GRXCR1: variants seen among roughly 807,000 people sequenced by gnomAD.
The protein encoded by GRXCR1 is glutaredoxin and cysteine rich domain containing 1, also known as glutaredoxin domain-containing cysteine-rich protein 1.
A neutral mutation model predicts 27.3 loss-of-function variants in GRXCR1; 27 were observed. The ratio of observed to expected loss-of-function variants is 0.99; its 90% CI spans 0.73 to 1.37. The LOEUF (loss-of-function observed/expected upper bound fraction) is 1.37, where lower values mean the gene tolerates loss of function less well. Ranked by LOEUF, GRXCR1 falls within the 40% of genes most tolerant of loss-of-function variation. The probability of loss-of-function intolerance (pLI) is 0.00; values close to 1 mark genes in which losing one functional copy is unlikely to be tolerated. For missense variants in GRXCR1, 379 were observed against 354.4 expected (o/e 1.07, Z -0.56); for synonymous variants, 122 against 131.1 (o/e 0.93, Z 0.47).
At chr4:42,949,868 T>C (rs1747840338) in intron 1 of GRXCR1, among the ~76,000 whole-genome samples, 1 of 152,172 alleles carries the variant, frequency 6.6e-6, no homozygotes, top group South Asian at 2.1e-4. Context: ...TTCACTGGCT[T>C]TCTTGCCCTC....
rs1167747524 is a variant in GRXCR1, at chr4:43,016,373, T to C, written c.628-3981T>C. ...GCCCTCCCTCATTCTCTCTGTGTGC[T>C]TGGTCAACTGCTATTCTTGCTAAAG... On this transcript the variant is annotated intron_variant, in intron 2 of 3. Coordinates refer to ENST00000399770, the MANE Select transcript of GRXCR1 (RefSeq NM_001080476.3). 2.0e-5 allele frequency among the ~76,000 whole-genome samples: 3 copies of C among 152,190 alleles called. No individual in the cohort carries two copies. In the East Asian group the frequency reaches 5.8e-4, roughly 29 times the overall value.
chr4:42,974,760 C>T (rs1748471907), intron 2 of GRXCR1, among the ~76,000 whole-genome samples: 1 of 152,028 alleles, frequency 6.6e-6, no homozygotes, highest in African/African-American at 2.4e-5. Flanking sequence ...CTCATGAATG[C>T]CTGGTTGGGG....
At chr4:43,020,744 C>A (rs1201069204) in intron 3 of GRXCR1, among the ~76,000 whole-genome samples, 1 of 152,128 alleles carries the variant, frequency 6.6e-6, no homozygotes, top group Non-Finnish European at 1.5e-5. Flanking sequence ...TTCATTGAAA[C>A]AACTTTATTT....
intron 2 of GRXCR1, among the ~76,000 whole-genome samples, chr4:42,997,201 T>C (rs920977914): frequency 2.6e-5 from 4 of 152,238 alleles, no homozygotes; most frequent in Non-Finnish European, 5.9e-5. Flanking sequence ...TGTCTTAAAA[T>C]AGATTACTGA....
rs1335731706 is a variant in GRXCR1 at position 43,014,074 on chromosome 4, C to CAA, written c.628-6279_628-6278dup. Among the ~76,000 whole-genome samples the CAA allele has an allele frequency of 2.4e-3, 354 of 145,562 alleles. 2 individuals are homozygous for CAA. The highest frequency in any genetic ancestry group is 8.6e-3 in the African/African-American group (336 of 39,040). On this transcript the variant is annotated intron_variant, in intron 2 of 3. Coordinates refer to ENST00000399770, the MANE Select transcript of GRXCR1 (RefSeq NM_001080476.3). ...AATTGCAAAAAAAAAAAAAAAAAGT[C>CAA]AACTAGTTTAGCTAATTTTGCAGTT... is the stretch of plus-strand genomic sequence containing the variant.
At chr4:42,971,956 T>G in intron 2 of GRXCR1, among the ~76,000 whole-genome samples, 1 of 152,118 alleles carries the variant, frequency 6.6e-6, no homozygotes, top group East Asian at 1.9e-4. Context: ...TGGAGGGCAC[T>G]TACACAATCT....
intron 2 of GRXCR1, among the ~76,000 whole-genome samples, chr4:43,010,311 G>C (rs1712705710): frequency 6.6e-6 from 1 of 151,738 alleles, no homozygotes; most frequent in Non-Finnish European, 1.5e-5. Context: ...GCTGAGGCAG[G>C]AGAATTGCTT....
chr4:42,920,820 T>C (rs1746991709), intron 1 of GRXCR1, among the ~76,000 whole-genome samples: 1 of 152,176 alleles, frequency 6.6e-6, no homozygotes, highest in African/African-American at 2.4e-5. Flanking sequence ...ATCCTTATGA[T>C]AGTGCCCTTA....
intron 1 of GRXCR1, among the ~76,000 whole-genome samples, chr4:42,941,900 C>CT (rs1424172892): frequency 1.3e-5 from 2 of 152,090 alleles, no homozygotes; most frequent in Non-Finnish European, 2.9e-5. Context: ...CATTTTCCCT[C>CT]TTTAAAAAAA....
At chr4:42,924,133 C>A (rs1747087152) in intron 1 of GRXCR1, among the ~76,000 whole-genome samples, 2 of 152,144 alleles carry the variant, frequency 1.3e-5, no homozygotes, top group South Asian at 4.2e-4. Flanking sequence ...TTGGGAGATG[C>A]CTGAGAGGAA....
At chr4:42,927,480 C>T (rs1747186822) in intron 1 of GRXCR1, among the ~76,000 whole-genome samples, 1 of 151,904 alleles carries the variant, frequency 6.6e-6, no homozygotes, top group African/African-American at 2.4e-5. Context: ...AATTTACAAA[C>T]AGATTTTTAC....
chr4:42,927,063 C>A (rs529445059), intron 1 of GRXCR1, among the ~76,000 whole-genome samples: 1 of 151,934 alleles, frequency 6.6e-6, no homozygotes. Flanking sequence ...TTTGTCTTTA[C>A]CCATATGCCA....
At chr4:42,940,193 A>G (rs1399208220) in intron 1 of GRXCR1, among the ~76,000 whole-genome samples, 1 of 151,998 alleles carries the variant, frequency 6.6e-6, no homozygotes, top group Non-Finnish European at 1.5e-5. Flanking sequence ...GAGTCCTCCT[A>G]AGACAGTGGC....
At chr4:42,987,998 A>T (rs1560677304) in intron 2 of GRXCR1, among the ~76,000 whole-genome samples, 1 of 152,098 alleles carries the variant, frequency 6.6e-6, no homozygotes, top group Non-Finnish European at 1.5e-5. Context: ...TGCTCTTCTC[A>T]TTGGGGTCCT....
intron 2 of GRXCR1, among the ~76,000 whole-genome samples, chr4:43,002,305 G>A (rs1298767043): frequency 4.6e-5 from 7 of 152,372 alleles, no homozygotes; most frequent in Admixed American, 2.6e-4. Context: ...ACAATACCCC[G>A]CTTTCAAGGG....
intron 2 of GRXCR1, among the ~76,000 whole-genome samples, chr4:42,974,301 C>A (rs1264119921): frequency 6.6e-6 from 1 of 151,930 alleles, no homozygotes; most frequent in East Asian, 1.9e-4. Flanking sequence ...CTTGTGGGTT[C>A]CTTTATTAGA....
At chr4:42,995,750 T>G (rs1712135532) in intron 2 of GRXCR1, among the ~76,000 whole-genome samples, 1 of 152,222 alleles carries the variant, frequency 6.6e-6, no homozygotes, top group African/African-American at 2.4e-5. Flanking sequence ...ATTTTTATGT[T>G]TTTTACCTTC....
At position 43,020,512 on chromosome 4, in the gene GRXCR1, C is replaced by T. The variant is rs898515906; in HGVS notation, c.693+93C>T. The T allele has an allele frequency of 2.3e-5, 19 of 813,762 alleles. No homozygotes were observed. In the African/African-American group the frequency reaches 3.1e-4, roughly 13 times the overall value. 50.4% of individuals were successfully genotyped at this position (813,762 alleles called of 1,614,324 possible). On this transcript the variant is annotated intron_variant, in intron 3 of 3. Coordinates refer to ENST00000399770, the MANE Select transcript of GRXCR1 (RefSeq NM_001080476.3). ...TTTTCCTAATTGAATTCTCTCTCCC[C>T]ATGTTCTTACAAATATGCAATAGGA...
chr4:42,929,565 T>G (rs563235505), intron 1 of GRXCR1, among the ~76,000 whole-genome samples: 1 of 151,878 alleles, frequency 6.6e-6, no homozygotes, highest in Non-Finnish European at 1.5e-5. Flanking sequence ...CTGTATTTAT[T>G]TGGGGAGGAT....
Sources: allele counts gnomAD v4.1 joint callset (sites outside exome capture counted in the v4.1 genomes callset), GRCh38; gene constraint gnomAD v4.1.1; transcripts MANE v1.5; gene names NCBI Gene and HGNC (gene_info 2026-07-23, HGNC 2026-07-21).